KCNK2: variants seen among roughly 807,000 people sequenced by gnomAD.
KCNK2 encodes potassium channel subfamily K member 2.
A neutral mutation model predicts 40.5 loss-of-function variants in KCNK2; 21 were observed. The ratio of observed to expected loss-of-function variants is 0.52; its 90% confidence interval spans 0.37 to 0.75. The LOEUF (loss-of-function observed/expected upper bound fraction) is 0.75, where lower values mean the gene tolerates loss of function less well. Among genes scored for constraint, KCNK2 ranks in the 30% least tolerant of loss-of-function variants. The pLI, the probability that KCNK2 is intolerant of heterozygous loss-of-function variation, is 0.00. For missense variants in KCNK2, 399 were observed against 531.6 expected, an observed-to-expected ratio of 0.75 and a Z score of 2.45; for synonymous variants, 191 against 202.2, an observed-to-expected ratio of 0.94 and a Z score of 0.47.
chr1:215,104,415 A>C (rs951242848), intron 2 of KCNK2, among the ~76,000 whole-genome samples: 3 of 151,946 alleles, frequency 2.0e-5, no homozygotes, highest in Non-Finnish European at 2.9e-5. Flanking sequence ...TCGGTAACCC[A>C]TATGTCTTCT....
chr1:215,048,028 G>T (rs1657845202), intron 1 of KCNK2, among the ~76,000 whole-genome samples: 1 of 152,160 alleles, frequency 6.6e-6, no homozygotes, highest in African/African-American at 2.4e-5. Context: ...AGTAACGTCA[G>T]TGAACATTCT....
chr1:215,038,103 C>T (rs1657446581), intron 1 of KCNK2, among the ~76,000 whole-genome samples: 1 of 151,962 alleles, frequency 6.6e-6, no homozygotes, highest in Non-Finnish European at 1.5e-5. Flanking sequence ...TTCAGTCTAC[C>T]TTTTTATCTT....
At chr1:215,044,795 A>ATGTG (rs150179184) in intron 1 of KCNK2, among the ~76,000 whole-genome samples, 2,524 of 145,604 alleles carry the variant, frequency 0.017, 43 homozygotes, top group Middle Eastern at 0.036. Flanking sequence ...GGATAAGTGT[A>ATGTG]TGTGTGTGTG....
intron 6 of KCNK2, among the ~76,000 whole-genome samples, chr1:215,198,741 T>G (rs1664966979): frequency 6.6e-6 from 1 of 152,150 alleles, no homozygotes; most frequent in Admixed American, 6.5e-5. Flanking sequence ...TCAGTTTTGA[T>G]GAATAAAAAC....
At chr1:215,183,805 A>AAACACCC (rs1290083676) in intron 5 of KCNK2, among the ~76,000 whole-genome samples, 2 of 152,156 alleles carry the variant, frequency 1.3e-5, no homozygotes, top group Non-Finnish European at 2.9e-5. Context: ...TTGGCTGTTT[A>AAACACCC]CTGTTCTTCC....
At chr1:215,211,265 C>T (rs1417551889) in intron 6 of KCNK2, among the ~76,000 whole-genome samples, 4 of 152,098 alleles carry the variant, frequency 2.6e-5, no homozygotes, top group African/African-American at 7.2e-5. Context: ...GTGATTCCCC[C>T]AGCACACCAG....
chr1:215,172,204 A>G (rs758628089), intron 5 of KCNK2, 21 bp downstream of exon 5: 2 of 1,595,394 alleles, frequency 1.3e-6, no homozygotes, highest in African/African-American at 2.7e-5. Context: ...CCTGGCATCC[A>G]TGTTACTCTT....
chr1:215,145,821 A>G (rs1481739306), intron 3 of KCNK2, among the ~76,000 whole-genome samples: 1 of 152,126 alleles, frequency 6.6e-6, no homozygotes, highest in East Asian at 1.9e-4. Flanking sequence ...ATACACAGGA[A>G]AACTTAAGTT....
chr1:215,032,040 G>A (rs543663517), intron 1 of KCNK2, among the ~76,000 whole-genome samples: 2 of 151,470 alleles, frequency 1.3e-5, no homozygotes, highest in East Asian at 1.9e-4. Flanking sequence ...ATACACAATC[G>A]AGTACAGTAT....
chr1:215,052,385 CT>C (rs1382413650), intron 1 of KCNK2, among the ~76,000 whole-genome samples: 3 of 152,136 alleles, frequency 2.0e-5, no homozygotes, highest in Non-Finnish European at 4.4e-5. Flanking sequence ...TGGAAAAGGA[CT>C]GTAGTGGTCC....
chr1:215,155,237 T>A (rs562239625), intron 3 of KCNK2, among the ~76,000 whole-genome samples: 1 of 152,286 alleles, frequency 6.6e-6, no homozygotes, highest in Admixed American at 6.5e-5. Context: ...AAATATTAAA[T>A]TCATTTACAT....
At chr1:215,074,091 C>T (rs1305708684) in intron 1 of KCNK2, among the ~76,000 whole-genome samples, 1 of 152,130 alleles carries the variant, frequency 6.6e-6, no homozygotes, top group Non-Finnish European at 1.5e-5. Context: ...GCAGTCTTGC[C>T]TTGATCACTT....
At chr1:215,068,109 G>A (rs1001123070) in intron 1 of KCNK2, among the ~76,000 whole-genome samples, 4 of 148,532 alleles carry the variant, frequency 2.7e-5, no homozygotes, top group African/African-American at 1.0e-4. Context: ...CAACTCTTCA[G>A]TAAGGGCTAC....
intron 1 of KCNK2, among the ~76,000 whole-genome samples, chr1:215,028,591 GTTC>G (rs1054796712): frequency 7.9e-5 from 12 of 151,746 alleles, no homozygotes; most frequent in Non-Finnish European, 1.3e-4. Context: ...ATTACTTTTA[GTTC>G]TTCTTCTTTA....
intron 2 of KCNK2, among the ~76,000 whole-genome samples, chr1:215,099,237 G>C (rs1660108866): frequency 6.6e-6 from 1 of 151,700 alleles, no homozygotes; most frequent in Non-Finnish European, 1.5e-5. Context: ...TCATCATTTA[G>C]CTTCCACTTA....
intron 5 of KCNK2, among the ~76,000 whole-genome samples, chr1:215,194,003 ACTTTTTTATTCT>A (rs11273772): frequency 0.89 from 135,180 of 152,004 alleles, 60,914 homozygotes; most frequent in East Asian, 1. Context: ...CTCTCATAGT[ACTTTTTTATTCT>A]CTTTGCCATC....
rs142658276 is a variant in KCNK2 at position 215,210,368 on chromosome 1, G to A, written c.963+15276G>A. Among the ~76,000 whole-genome samples, 488 of 151,794 alleles carry A rather than the reference G, an allele frequency of 3.2e-3. 2 individuals carry two copies. Among genetic ancestry groups the A allele is most frequent in the African/African-American group, 0.011 (468 of 41,430 alleles). On this transcript the variant is annotated intron_variant, in intron 6 of 6. Transcript: ENST00000444842. The stretch of plus-strand genomic sequence containing the variant: ...GGCAACAAGGTCATATATAAGCAGG[G>A]CAGGGTAAGAATTGCTTTCCTATTT...
At chr1:215,129,777 A>T (rs1661589144) in intron 3 of KCNK2, among the ~76,000 whole-genome samples, 1 of 152,184 alleles carries the variant, frequency 6.6e-6, no homozygotes, top group African/African-American at 2.4e-5. Flanking sequence ...TCCTGGTAAC[A>T]TTCTAAATTC....
Position 215,083,230 on chromosome 1 carries a change from T to TCCCCCCCC in KCNK2, c.-152_-151insCCCCCCCC. 1.2e-6 allele frequency: 1 copy of TCCCCCCCC among 828,158 alleles called. No individual in the cohort carries two copies. The highest frequency in any genetic ancestry group is 1.6e-6 in the Non-Finnish European group (1 of 612,938). 51.3% of individuals were successfully genotyped at this position (828,158 alleles called of 1,614,324 possible). ...CCCCCTCCCGCGTCCAGCCCCGCTC[T>TCCCCCCCC]CCCCACCTTGTAAAACAAAGCCGGG... On this transcript the variant is annotated 5_prime_UTR_variant, in exon 1 of 7. Coordinates refer to ENST00000444842, the MANE Select transcript of KCNK2 (RefSeq NM_001017425.3).
Sources: allele counts gnomAD v4.1 joint callset (sites outside exome capture counted in the v4.1 genomes callset), GRCh38; gene constraint gnomAD v4.1.1; transcripts MANE v1.5; gene names NCBI Gene and HGNC (gene_info 2026-07-23, HGNC 2026-07-21).